CIMAP1D: variants seen among roughly 807,000 people sequenced by gnomAD.
CIMAP1D encodes protein CIMAP1D.
the CIMAP1D span, chr19:463,672 C>T: frequency 2.1e-6 from 2 of 962,020 alleles, no homozygotes; most frequent in Non-Finnish European, 3.0e-6. Flanking sequence ...CCATGGGTCA[C>T]AGCCCCCAGG....
the CIMAP1D span, among the ~76,000 whole-genome samples, chr19:475,578 C>T: frequency 2.0e-5 from 3 of 152,026 alleles, no homozygotes; most frequent in African/African-American, 7.3e-5. Flanking sequence ...GGGGCAGCGG[C>T]GAGGACAGCG....
the CIMAP1D span, among the ~76,000 whole-genome samples, chr19:491,133 T>C: frequency 6.6e-6 from 1 of 150,442 alleles, no homozygotes; most frequent in East Asian, 1.9e-4. Context: ...AAAACTTACC[T>C]GAGCATGGTG....
chr19:480,281 G>C, the CIMAP1D span, among the ~76,000 whole-genome samples: 4 of 152,232 alleles, frequency 2.6e-5, no homozygotes, highest in African/African-American at 9.6e-5. Context: ...GGCGGGTCCT[G>C]CACGGCCTGT....
chr19:471,938 G>T, the CIMAP1D span, among the ~76,000 whole-genome samples: 32 of 151,958 alleles, frequency 2.1e-4, no homozygotes, highest in Non-Finnish European at 3.7e-4. Context: ...AGTAGAGATG[G>T]GGTTTCACTG....
At chr19:474,833 G>A in the CIMAP1D span, 1 of 1,200,282 alleles carries the variant, frequency 8.3e-7, no homozygotes, top group Non-Finnish European at 1.1e-6. Context: ...ACAGGCCCAG[G>A]CACCGTCCCC....
chr19:486,366 C>G, the CIMAP1D span, among the ~76,000 whole-genome samples: 6 of 152,154 alleles, frequency 3.9e-5, no homozygotes, highest in African/African-American at 1.4e-4. Flanking sequence ...ACTCCCTCCC[C>G]CTCCAGGAAG....
the CIMAP1D span, among the ~76,000 whole-genome samples, chr19:469,282 C>T: frequency 6.7e-6 from 1 of 149,364 alleles, no homozygotes; most frequent in South Asian, 2.1e-4. Context: ...AGTGCAGTGG[C>T]TCATGGCTCA....
the CIMAP1D span, among the ~76,000 whole-genome samples, chr19:485,637 G>A: frequency 1.3e-5 from 2 of 152,214 alleles, no homozygotes; most frequent in Non-Finnish European, 2.9e-5. Flanking sequence ...AAAGCACCGG[G>A]AGGGCAGGTG....
At chr19:470,306 A>G in the CIMAP1D span, among the ~76,000 whole-genome samples, 2 of 149,192 alleles carry the variant, frequency 1.3e-5, no homozygotes, top group South Asian at 2.1e-4. Context: ...TCCCGGGTTC[A>G]TGCCATTCTC....
the CIMAP1D span, chr19:489,954 G>A: frequency 1.3e-5 from 5 of 398,118 alleles, no homozygotes; most frequent in African/African-American, 8.2e-5. Flanking sequence ...CCGGTGCTGA[G>A]AGAGGCCAGA....
chr19:467,807 T>G, the CIMAP1D span: 1 of 1,278,778 alleles, frequency 7.8e-7, no homozygotes, highest in Non-Finnish European at 1.1e-6. Flanking sequence ...CTGAAGACAG[T>G]GCCTGCCCCA....
At chr19:473,967 T>A in the CIMAP1D span, among the ~76,000 whole-genome samples, 9 of 128,572 alleles carry the variant, frequency 7.0e-5, no homozygotes, top group Middle Eastern at 4.0e-3. Flanking sequence ...CAGGCAGAGA[T>A]ACACGGTCAC....
At chr19:484,476 G>T in the CIMAP1D span, among the ~76,000 whole-genome samples, 2 of 152,190 alleles carry the variant, frequency 1.3e-5, no homozygotes, top group African/African-American at 4.8e-5. Context: ...CTCATTCTGT[G>T]CTCAGGCTGG....
the CIMAP1D span, chr19:472,615 TG>T: frequency 2.7e-6 from 2 of 727,280 alleles, no homozygotes; most frequent in Non-Finnish European, 2.1e-6. Flanking sequence ...TGGTGAGGAT[TG>T]GGGGCCCCGG....
chr19:484,540 C>T, the CIMAP1D span, among the ~76,000 whole-genome samples: 1 of 152,226 alleles, frequency 6.6e-6, no homozygotes, highest in Non-Finnish European at 1.5e-5. Flanking sequence ...GTTGGGTCTT[C>T]ACATACGGTG....
chr19:467,662 C>T, the CIMAP1D span: 28 of 1,611,542 alleles, frequency 1.7e-5, no homozygotes, highest in Middle Eastern at 1.7e-4. Flanking sequence ...GAGACTTGGC[C>T]CGGCCCTGCA....
the CIMAP1D span, among the ~76,000 whole-genome samples, chr19:484,227 G>A: frequency 7.1e-6 from 1 of 140,594 alleles, no homozygotes; most frequent in Non-Finnish European, 1.5e-5. Context: ...CACAATCTCT[G>A]CCTCCCGGGC....
chr19:478,714 G>C, the CIMAP1D span, among the ~76,000 whole-genome samples: 1 of 152,292 alleles, frequency 6.6e-6, no homozygotes, highest in Admixed American at 6.5e-5. Flanking sequence ...GAAAAAAAGG[G>C]AGGCTGGACC....
the CIMAP1D span, among the ~76,000 whole-genome samples, chr19:466,279 G>GTGGGTGGGTGGA: frequency 1.1e-5 from 1 of 91,534 alleles, no homozygotes; most frequent in Non-Finnish European, 2.6e-5. Flanking sequence ...GGATGGATGG[G>GTGGGTGGGTGGA]TGGGTGGGTG....
Sources: gnomAD v4.1 joint callset for allele counts (sites outside exome capture counted in the v4.1 genomes callset) on GRCh38, gnomAD v4.1.1 for gene constraint, MANE v1.5 for transcripts, NCBI Gene and HGNC (gene_info 2026-07-23, HGNC 2026-07-21) for gene names.